The following IGDCC4 variants were observed in gnomAD, a reference collection of about 807,000 sequenced individuals.
The protein encoded by IGDCC4 is immunoglobulin superfamily DCC subclass member 4.
Under a neutral mutation model 116.6 loss-of-function variants are expected in IGDCC4, and 72 were observed. That is an observed-to-expected ratio of 0.62 (90% CI 0.51 to 0.75). The LOEUF is 0.75. Among genes scored for constraint, IGDCC4 ranks in the 30% least tolerant of loss-of-function variants. The pLI, the probability that IGDCC4 is intolerant of heterozygous loss-of-function variation, is 0.00. For synonymous variants in IGDCC4, 709 were observed against 719.9 expected (o/e 0.98, Z 0.24); for missense variants, 1,501 against 1,662.4 (o/e 0.90, Z 1.69).
chr15:65,388,573 A>G lies in IGDCC4; in HGVS notation c.2721T>C (p.Ser907=), dbSNP rs759624587. 6.2e-7 allele frequency: 1 copy of G among 1,614,070 alleles called. No homozygotes were observed. Among genetic ancestry groups the G allele is most frequent in the South Asian group, 1.1e-5 (1 of 91,090 alleles). Residue 907 remains serine (S), a synonymous_variant, in exon 16 of 20, where the codon AGT becomes AGC. Coordinates refer to ENST00000352385, the MANE Select transcript of IGDCC4 (RefSeq NM_020962.3). ...CGCTCTCCAGGCCATGGACCTCAGC[A>G]CTGAAGATGTTTCCTGGGGGTGAGG... ...TLLTTQGNIF[S]AEVHGLESDT...
At chr15:65,415,175 G>A (rs1043503808) in intron 1 of IGDCC4, among the ~76,000 whole-genome samples, 1 of 152,222 alleles carries the variant, frequency 6.6e-6, no homozygotes, top group African/African-American at 2.4e-5. Flanking sequence ...CAGCCACTAA[G>A]CAGTAGGTTT....
chr15:65,391,712 G>A (rs2091516264), intron 12 of IGDCC4, among the ~76,000 whole-genome samples, 168 bp downstream of exon 12: 2 of 152,182 alleles, frequency 1.3e-5, no homozygotes, highest in South Asian at 2.1e-4. Context: ...CATGACAGAG[G>A]CTCTCTGGAG....
intron 14 of IGDCC4, 147 bp from the exon 15 acceptor site, chr15:65,389,125 A>G: frequency 8.7e-7 from 1 of 1,145,536 alleles, no homozygotes; most frequent in Non-Finnish European, 1.2e-6. Flanking sequence ...AGAAAACAGT[A>G]TGTGTGGTTG....
Position 65,392,504 on chromosome 15 carries a change from C to T in IGDCC4, c.1886-134G>A, listed in dbSNP as rs2062877933. 2 of 665,588 alleles carry T rather than the reference C, an allele frequency of 3.0e-6. 1 individual carries two copies. Among genetic ancestry groups the T allele is most frequent in the South Asian group, 4.6e-5 (2 of 43,798 alleles). The allele number at this position is 665,588 out of a possible 1,614,324, so 41.2% of individuals were successfully genotyped here. ...ATGGCATTCAGTGAGAGCCTTTTGC[C>T]AGCATTCTCCCAACACATCACCACT... On this transcript the variant is annotated intron_variant, in intron 10 of 19. Transcript: ENST00000352385.
In IGDCC4 at chr15:65,412,373, G is replaced by A. The variant is rs530206162; in HGVS notation, c.71-1003C>T. Among the ~76,000 whole-genome samples the A allele has an allele frequency of 2.0e-4, 31 of 151,660 alleles. No homozygotes were observed. The East Asian group carries it at 2.3e-3, about 11-fold the overall frequency. ...CTAAAAATACAAAAATTAGCCAGGC[G>A]TGGTGGCACGCACCTGTAATCTCAG... On this transcript the variant is annotated intron_variant, in intron 1 of 19. Coordinates refer to ENST00000352385, the MANE Select transcript of IGDCC4 (RefSeq NM_020962.3).
At chr15:65,406,785 C>A (rs1811232713) in intron 3 of IGDCC4, among the ~76,000 whole-genome samples, 1 of 152,084 alleles carries the variant, frequency 6.6e-6, no homozygotes, top group Non-Finnish European at 1.5e-5. Flanking sequence ...GACTTGGGGG[C>A]AAACACTCCC....
chr15:65,396,541 C>G, intron 6 of IGDCC4: 1 of 570,936 alleles, frequency 1.8e-6, no homozygotes, highest in Non-Finnish European at 3.1e-6. Flanking sequence ...TAGTACCACT[C>G]AGATCACTCC....
intron 4 of IGDCC4, 145 bp downstream of exon 4, chr15:65,402,206 C>A: frequency 1.0e-6 from 1 of 984,350 alleles, no homozygotes; most frequent in Non-Finnish European, 1.5e-6. Context: ...AGTACCCTCT[C>A]TGGGCTTCAT....
intron 3 of IGDCC4, among the ~76,000 whole-genome samples, chr15:65,403,495 C>G (rs758213938): frequency 6.6e-6 from 1 of 152,270 alleles, no homozygotes; most frequent in East Asian, 1.9e-4. Flanking sequence ...ATAAAATACT[C>G]TTTATTCACA....
rs568152603 is a variant in IGDCC4, at chr15:65,384,463, G to A, written c.3343-44C>T. On this transcript the variant is annotated intron_variant, in intron 19 of 19. Transcript: ENST00000352385. This position sits in a 1 kb window ranked among gnomAD's most constrained non-coding sequence, Gnocchi z 4.9. The stretch of plus-strand genomic sequence containing the variant: ...ACAAAGACAAAGTGACCATTACTGA[G>A]AGTAATCATCAGAATGACCAGCGTA... The A allele has an allele frequency of 2.0e-6, 3 of 1,469,246 alleles. No individual in the cohort carries two copies. In the African/African-American group the frequency reaches 4.2e-5, roughly 21 times the overall value. 91.0% of individuals were successfully genotyped at this position (1,469,246 alleles called of 1,614,324 possible). A position where few individuals can be genotyped will look rare whatever the true frequency, so the allele number is the denominator to read the frequency against.
chr15:65,385,983 G>C lies in IGDCC4; in HGVS notation c.3028C>G (p.Pro1010Ala), dbSNP rs771067930. The change falls in exon 18 of 20, where the codon CCC becomes GCC. Residue 1010 changes from proline to alanine, a missense_variant. Transcript: ENST00000352385. The stretch of plus-strand genomic sequence containing the variant: ...AATTCATGGGCAGCTGGGGGGCTGG[G>C]GGGGCCAAGCCGAGCTCTGGAGTAC... Reference protein sequence around the residue: ...ALYSRARLGPPSPPAAHELES... With the variant: ...ALYSRARLGPASPPAAHELES... 5.0e-6 allele frequency: 8 copies of C among 1,601,016 alleles called. No individual in the cohort carries two copies. Among genetic ancestry groups the C allele is most frequent in the South Asian group, 1.1e-5 (1 of 90,234 alleles).
At chr15:65,402,816 A>G (rs908572021) in intron 3 of IGDCC4, among the ~76,000 whole-genome samples, 10 of 152,168 alleles carry the variant, frequency 6.6e-5, no homozygotes, top group Admixed American at 1.3e-4. Context: ...GCGGTGAGCC[A>G]AGATTGCACC....
chr15:65,394,627 T>C, intron 8 of IGDCC4, 79 bp from the exon 9 acceptor site: 1 of 1,398,192 alleles, frequency 7.2e-7, no homozygotes, highest in South Asian at 1.4e-5. Flanking sequence ...GAGACTTGCC[T>C]GGGTCACACA....
chr15:65,397,921 A>G (rs921109676), intron 5 of IGDCC4, among the ~76,000 whole-genome samples: 15 of 152,240 alleles, frequency 9.9e-5, no homozygotes, highest in African/African-American at 3.4e-4. Context: ...GGACTTAAAA[A>G]TCCAACAGCA....
chr15:65,397,075 C>G lies in IGDCC4; in HGVS notation c.842-86G>C, dbSNP rs907651829. 5 of 1,470,886 alleles carry G rather than the reference C, an allele frequency of 3.4e-6. No homozygotes were observed. In the East Asian group the frequency reaches 1.0e-4, roughly 29 times the overall value. 91.1% of individuals were successfully genotyped at this position (1,470,886 alleles called of 1,614,324 possible). ...TCCGAACCTCAGGAACACTCTGCAC[C>G]CGGATAAAGCAAACACAACCGTCCC... On this transcript the variant is annotated intron_variant, in intron 5 of 19. Transcript: ENST00000352385.
At chr15:65,398,604 A>G (rs377722949) in intron 5 of IGDCC4, among the ~76,000 whole-genome samples, 8 of 148,120 alleles carry the variant, frequency 5.4e-5, no homozygotes, top group African/African-American at 2.0e-4. Context: ...ACAGGCCGGG[A>G]GCGGTGGCTC....
intron 3 of IGDCC4, among the ~76,000 whole-genome samples, chr15:65,402,742 C>G (rs1487000199): frequency 1.3e-5 from 2 of 152,178 alleles, no homozygotes; most frequent in African/African-American, 4.8e-5. Flanking sequence ...TGGTGCATGC[C>G]TGTAATCCCA....
chr15:65,395,310 G>A, intron 7 of IGDCC4, 52 bp from the exon 8 acceptor site: 1 of 1,559,986 alleles, frequency 6.4e-7, no homozygotes, highest in Non-Finnish European at 8.8e-7. Context: ...CCCCGTGCTG[G>A]CTAGCTGGAG....
In IGDCC4 at chr15:65,390,024, G is replaced by C. The variant is rs540395812; in HGVS notation, c.2408+131C>G. Reference sequence around the variant, plus strand: ...TGCAGCCCCTCTGTGTGGCCTCAGCGTAACAGGTGAGCCATGACATGTTCC... The same window carrying C: ...TGCAGCCCCTCTGTGTGGCCTCAGCCTAACAGGTGAGCCATGACATGTTCC... On this transcript the variant is annotated intron_variant, in intron 13 of 19. Transcript: ENST00000352385. 3 of 793,802 alleles carry C rather than the reference G, an allele frequency of 3.8e-6. No homozygotes were observed. The South Asian group carries it at 6.4e-5, about 17-fold the overall frequency. 49.2% of individuals were successfully genotyped at this position (793,802 alleles called of 1,614,324 possible). A position where few individuals can be genotyped will look rare whatever the true frequency, so the allele number is the denominator to read the frequency against.
Sources: gnomAD v4.1 joint callset for allele counts (sites outside exome capture counted in the v4.1 genomes callset) on GRCh38, gnomAD v4.1.1 for gene constraint, Gnocchi (gnomAD v3.1) non-coding constraint, MANE v1.5 for transcripts, NCBI Gene and HGNC (gene_info 2026-07-23, HGNC 2026-07-21) for gene names.